The following AMOTL1 variants were observed in gnomAD, a reference collection of about 807,000 sequenced individuals.
AMOTL1 encodes the protein angiomotin-like protein 1.
A neutral mutation model predicts 102.9 loss-of-function variants in AMOTL1; 45 were observed. The ratio of observed to expected loss-of-function variants is 0.44; its 90% CI spans 0.34 to 0.56. AMOTL1 has a LOEUF of 0.56. Ranked by LOEUF, AMOTL1 falls within the 20% of genes least tolerant of loss-of-function variation. AMOTL1 has a pLI of 0.01. For synonymous variants in AMOTL1, 481 were observed against 484.7 expected (o/e 0.99, Z 0.10); for missense variants, 1,114 against 1,225.6 (o/e 0.91, Z 1.36).
chr11:94,822,315 T>C (rs1380962474), intron 4 of AMOTL1, among the ~76,000 whole-genome samples: 1 of 152,172 alleles, frequency 6.6e-6, no homozygotes, highest in Admixed American at 6.5e-5. Flanking sequence ...GGCCCATGCC[T>C]TGCAGTCCCA....
chr11:94,793,481 A>G (rs1313883722), intron 1 of AMOTL1, among the ~76,000 whole-genome samples: 1 of 152,090 alleles, frequency 6.6e-6, no homozygotes, highest in Non-Finnish European at 1.5e-5. Flanking sequence ...GTTCCTGGGT[A>G]CAGAGATTTT....
intron 2 of AMOTL1, among the ~76,000 whole-genome samples, chr11:94,739,984 G>T (rs1565334581): frequency 6.6e-6 from 1 of 152,110 alleles, no homozygotes; most frequent in Non-Finnish European, 1.5e-5. Flanking sequence ...AGAGTAGAAG[G>T]AGCACTGCTC....
upstream of AMOTL1, among the ~76,000 whole-genome samples, chr11:94,767,179 G>A (rs1950865033): frequency 6.6e-6 from 1 of 152,092 alleles, no homozygotes. Context: ...ATCCTTGAAG[G>A]GCTGGTCAGC....
chr11:94,718,425 T>C (rs889475138), intron 1 of AMOTL1, among the ~76,000 whole-genome samples: 1 of 152,062 alleles, frequency 6.6e-6, no homozygotes, highest in African/African-American at 2.4e-5. Context: ...TTCTGTAGAA[T>C]AGATTACTTA....
chr11:94,756,705 T>C (rs1386578648), intron 3 of AMOTL1, among the ~76,000 whole-genome samples: 3 of 152,224 alleles, frequency 2.0e-5, no homozygotes, highest in African/African-American at 7.2e-5. Flanking sequence ...ATTATTATTA[T>C]GTCTTAATCT....
At chr11:94,725,483 T>G (rs1000543925) in intron 1 of AMOTL1, among the ~76,000 whole-genome samples, 29 of 152,294 alleles carry the variant, frequency 1.9e-4, no homozygotes, top group Admixed American at 1.9e-3. Flanking sequence ...GCCTCCCTTA[T>G]GATGACACTG....
intron 11 of AMOTL1, 110 bp downstream of exon 11, chr11:94,866,278 C>T (rs1338313236): frequency 2.7e-6 from 3 of 1,104,320 alleles, no homozygotes; most frequent in Non-Finnish European, 3.9e-6. Flanking sequence ...TCTCAGTTTA[C>T]TCATCTGTGA....
At chr11:94,719,587 T>TGA (rs796713876) in intron 1 of AMOTL1, among the ~76,000 whole-genome samples, 228 of 150,874 alleles carry the variant, frequency 1.5e-3, no homozygotes, top group South Asian at 5.5e-3. Flanking sequence ...TGTGTGTGTG[T>TGA]GAGAGAGAGA....
At chr11:94,807,835 T>C (rs1383533872) in intron 3 of AMOTL1, among the ~76,000 whole-genome samples, 3 of 147,028 alleles carry the variant, frequency 2.0e-5, no homozygotes, top group African/African-American at 2.5e-5. Flanking sequence ...TTCATGCTAA[T>C]GCTTAGTATC....
At chr11:94,861,228 G>A (rs1007709934) in intron 9 of AMOTL1, among the ~76,000 whole-genome samples, 1 of 152,364 alleles carries the variant, frequency 6.6e-6, no homozygotes, top group African/African-American at 2.4e-5. Flanking sequence ...TGGGTTGAGA[G>A]TTGGAGGGAA....
chr11:94,843,982 C>T (rs949523700), intron 6 of AMOTL1, among the ~76,000 whole-genome samples: 3 of 152,146 alleles, frequency 2.0e-5, no homozygotes, highest in Non-Finnish European at 4.4e-5. Context: ...GTACATGGCT[C>T]CCATCAGTCT....
upstream of AMOTL1, chr11:94,768,209 G>A: frequency 1.9e-6 from 2 of 1,076,064 alleles, no homozygotes; most frequent in East Asian, 5.4e-5. Context: ...CTCGCGGCCC[G>A]GGGAGGGGCG....
chr11:94,732,461 T>C (rs1200578028), intron 2 of AMOTL1, among the ~76,000 whole-genome samples: 2 of 152,168 alleles, frequency 1.3e-5, no homozygotes, highest in Non-Finnish European at 2.9e-5. Context: ...CCTAAAAATA[T>C]TCCCAGTGAT....
chr11:94,869,862 C>T (rs1486400138), intron 12 of AMOTL1, among the ~76,000 whole-genome samples: 1 of 152,158 alleles, frequency 6.6e-6, no homozygotes, highest in East Asian at 1.9e-4. Flanking sequence ...TCTAACTTAC[C>T]AGGGATTCTG....
chr11:94,733,645 C>A (rs11020928), intron 2 of AMOTL1, among the ~76,000 whole-genome samples: 13,739 of 152,276 alleles, frequency 0.09, 855 homozygotes, highest in East Asian at 0.26. Flanking sequence ...AATATAAGAT[C>A]ATGGTCTCTG....
intron 1 of AMOTL1, among the ~76,000 whole-genome samples, chr11:94,720,710 T>C (rs12223099): frequency 1.3e-5 from 2 of 152,066 alleles, no homozygotes; most frequent in Non-Finnish European, 2.9e-5. Context: ...GGGCATCTGA[T>C]TAGCCCGTCA....
rs1952886808 is a variant in AMOTL1, at chr11:94,866,525, T to C, written c.2488+357T>C. ...AGACCAGTTGTATGACGGCTCCACCTCTGCTTCCACGTCTGGAAAGGGAGG... is the reference window on the plus strand; with the variant it reads ...AGACCAGTTGTATGACGGCTCCACCCCTGCTTCCACGTCTGGAAAGGGAGG... On this transcript the variant is annotated intron_variant, in intron 11 of 12. Coordinates refer to ENST00000433060, the MANE Select transcript of AMOTL1 (RefSeq NM_130847.3). The C allele has an allele frequency of 3.5e-5, 9 of 255,644 alleles. 1 individual carries two copies. The South Asian group carries it at 4.7e-4, about 13-fold the overall frequency. 15.8% of individuals were successfully genotyped at this position (255,644 alleles called of 1,614,324 possible). A position where few individuals can be genotyped will look rare whatever the true frequency, so the allele number is the denominator to read the frequency against.
At chr11:94,847,815 T>C (rs1952448561) in intron 6 of AMOTL1, among the ~76,000 whole-genome samples, 1 of 152,180 alleles carries the variant, frequency 6.6e-6, no homozygotes, top group African/African-American at 2.4e-5. Context: ...ATAGCTATCA[T>C]TGTGACATAG....
chr11:94,780,079 A>G (rs1951087148), intron 1 of AMOTL1, among the ~76,000 whole-genome samples: 1 of 152,236 alleles, frequency 6.6e-6, no homozygotes, highest in African/African-American at 2.4e-5. Flanking sequence ...GTCCTATTAT[A>G]TCAGAGATGA....
Sources: allele counts gnomAD v4.1 joint callset (sites outside exome capture counted in the v4.1 genomes callset), GRCh38; gene constraint gnomAD v4.1.1; transcripts MANE v1.5; gene names NCBI Gene and HGNC (gene_info 2026-07-23, HGNC 2026-07-21).